The following P4HA1 variants were observed in gnomAD, a reference collection of about 807,000 sequenced individuals.
The protein encoded by P4HA1 is prolyl 4-hydroxylase subunit alpha 1.
A neutral mutation model predicts 72.8 loss-of-function variants in P4HA1; 24 were observed. The observed-to-expected ratio is 0.33, with a 90% CI of 0.24 to 0.46. The LOEUF (loss-of-function observed/expected upper bound fraction) is 0.46. Ranked by LOEUF, P4HA1 falls within the 20% of genes least tolerant of loss-of-function variation. The probability of loss-of-function intolerance (pLI) is 1.00; values close to 1 mark genes in which losing one functional copy is unlikely to be tolerated. For missense variants in P4HA1, 446 were observed against 640.6 expected, an observed-to-expected ratio of 0.70 and a Z score of 3.28; for synonymous variants, 201 against 218.8, an observed-to-expected ratio of 0.92 and a Z score of 0.72.
At position 73,058,363 on chromosome 10, in the gene P4HA1, AGT is replaced by A. The variant is rs370408521; in HGVS notation, c.464-4775_464-4774del. 1.6e-4 allele frequency among the ~76,000 whole-genome samples: 24 copies of A among 152,286 alleles called. 1 individual carries two copies. The East Asian group carries it at 4.6e-3, about 29-fold the overall frequency. On this transcript the variant is annotated intron_variant, in intron 5 of 14. Coordinates refer to ENST00000394890, the MANE Select transcript of P4HA1 (RefSeq NM_001017962.3). ...GATTTCTACTTTACTTGCTGTCCTT[AGT>A]GTAGGAACATGTACCCACTATAAAT...
chr10:73,077,869 G>A (rs1841736069), intron 1 of P4HA1, among the ~76,000 whole-genome samples: 1 of 150,804 alleles, frequency 6.6e-6, no homozygotes, highest in Non-Finnish European at 1.5e-5. Flanking sequence ...TACACCTGTG[G>A]TCCCAGCTAC....
At chr10:73,062,867 T>C (rs1468415954) in intron 5 of P4HA1, among the ~76,000 whole-genome samples, 4 of 152,200 alleles carry the variant, frequency 2.6e-5, no homozygotes, top group Non-Finnish European at 5.9e-5. Context: ...CAATGAGCTG[T>C]TGAATTCCAG....
intron 5 of P4HA1, 58 bp downstream of exon 5, chr10:73,068,788 T>C (rs1841483543): frequency 7.4e-7 from 1 of 1,358,968 alleles, no homozygotes; most frequent in Non-Finnish European, 1.0e-6. Flanking sequence ...ATTGTGTTAA[T>C]GGACTCAACA....
At chr10:73,075,867 G>A (rs901149718) in intron 1 of P4HA1, among the ~76,000 whole-genome samples, 1 of 151,914 alleles carries the variant, frequency 6.6e-6, no homozygotes, top group Non-Finnish European at 1.5e-5. Flanking sequence ...CACGGCACCC[G>A]GCCCATCTTT....
intron 9 of P4HA1, among the ~76,000 whole-genome samples, chr10:73,030,639 G>A (rs1297568151): frequency 6.6e-6 from 1 of 151,964 alleles, no homozygotes; most frequent in African/African-American, 2.4e-5. Flanking sequence ...AATGTAAGGA[G>A]GCTATATTGA....
At chr10:73,073,945 G>T in intron 2 of P4HA1, 118 bp from the exon 3 acceptor site, 1 of 671,714 alleles carries the variant, frequency 1.5e-6, no homozygotes, top group Non-Finnish European at 2.7e-6. Flanking sequence ...AATCAGATAT[G>T]CTGGAGACTA....
intron 14 of P4HA1, 192 bp downstream of exon 14, chr10:73,009,614 TA>T: frequency 2.6e-6 from 1 of 380,062 alleles, no homozygotes; most frequent in Non-Finnish European, 4.5e-6. Flanking sequence ...TAAAAATAGT[TA>T]AAAATAAAAT....
chr10:73,096,601 G>A (rs887128673), intron 1 of P4HA1, among the ~76,000 whole-genome samples, 165 bp downstream of exon 1: 4 of 152,144 alleles, frequency 2.6e-5, no homozygotes, highest in African/African-American at 4.8e-5. Flanking sequence ...GCAGGGAGAG[G>A]GGCCGAGTCT....
intron 1 of P4HA1, among the ~76,000 whole-genome samples, chr10:73,090,110 A>G (rs1346859856): frequency 6.6e-6 from 1 of 151,882 alleles, no homozygotes; most frequent in Non-Finnish European, 1.5e-5. Context: ...TTGGGATTAC[A>G]GGTGTGAGCC....
chr10:73,035,857 AAATTTTTT>A (rs1840557965), intron 9 of P4HA1, among the ~76,000 whole-genome samples: 1 of 152,202 alleles, frequency 6.6e-6, no homozygotes, highest in Non-Finnish European at 1.5e-5. Context: ...TTAATGGTTT[AAATTTTTT>A]AAGTTTTTAT....
intron 9 of P4HA1, among the ~76,000 whole-genome samples, chr10:73,043,214 G>C (rs1840778234): frequency 6.6e-6 from 1 of 152,078 alleles, no homozygotes; most frequent in South Asian, 2.1e-4. Context: ...GATGGATGGG[G>C]CTTATGTTTG....
intron 1 of P4HA1, among the ~76,000 whole-genome samples, chr10:73,087,617 A>G (rs1841949781): frequency 6.6e-6 from 1 of 151,626 alleles, no homozygotes; most frequent in Admixed American, 6.6e-5. Flanking sequence ...ACCTTCCTGC[A>G]TAGTGTCTAC....
At chr10:73,025,023 G>C (rs1252568144) in intron 10 of P4HA1, among the ~76,000 whole-genome samples, 3 of 152,190 alleles carry the variant, frequency 2.0e-5, no homozygotes, top group Non-Finnish European at 4.4e-5. Flanking sequence ...TTCAGGACCA[G>C]ATGGATTCAC....
chr10:73,079,447 AAAACAACAGT>A (rs906121372), intron 1 of P4HA1, among the ~76,000 whole-genome samples: 12 of 152,208 alleles, frequency 7.9e-5, no homozygotes, highest in Non-Finnish European at 1.6e-4. Context: ...TATACCCGTA[AAAACAACAGT>A]AAGGCCAGGA....
At chr10:73,078,664 T>G (rs1841757784) in intron 1 of P4HA1, among the ~76,000 whole-genome samples, 1 of 132,644 alleles carries the variant, frequency 7.5e-6, no homozygotes. Context: ...CAGGCTGGAG[T>G]GTAGTAGCGC....
chr10:73,013,327 C>A (rs1839947555), intron 12 of P4HA1, among the ~76,000 whole-genome samples: 1 of 152,196 alleles, frequency 6.6e-6, no homozygotes, highest in South Asian at 2.1e-4. Flanking sequence ...TAGGTCATAA[C>A]AATACCATGT....
intron 7 of P4HA1, among the ~76,000 whole-genome samples, chr10:73,048,141 A>G (rs1388665541): frequency 1.3e-5 from 2 of 152,244 alleles, no homozygotes; most frequent in African/African-American, 4.8e-5. Flanking sequence ...GTATACTAAA[A>G]CAAATAATGA....
At chr10:73,022,730 G>A (rs1840165666) in intron 10 of P4HA1, among the ~76,000 whole-genome samples, 1 of 152,138 alleles carries the variant, frequency 6.6e-6, no homozygotes, top group Non-Finnish European at 1.5e-5. Flanking sequence ...CCATCGCAAG[G>A]AAGCTAAAAC....
chr10:73,070,999 T>C (rs187249749), intron 4 of P4HA1, among the ~76,000 whole-genome samples: 54 of 152,012 alleles, frequency 3.6e-4, no homozygotes, highest in Admixed American at 1.6e-3. Flanking sequence ...CTGGGCAACA[T>C]AGCAAGACCT....
Sources: allele counts gnomAD v4.1 joint callset (sites outside exome capture counted in the v4.1 genomes callset), GRCh38; gene constraint gnomAD v4.1.1; transcripts MANE v1.5; gene names NCBI Gene and HGNC (gene_info 2026-07-23, HGNC 2026-07-21).